The following SCN11A variants were observed in gnomAD, a reference collection of about 807,000 sequenced individuals.
SCN11A encodes the protein sodium voltage-gated channel alpha subunit 11.
A neutral mutation model predicts 162.2 loss-of-function variants in SCN11A; 122 were observed. The ratio of observed to expected loss-of-function variants is 0.75; its 90% CI spans 0.65 to 0.87. The LOEUF is 0.87. SCN11A is among the 40% of genes least tolerant of loss of function. The pLI is 0.00. For synonymous variants in SCN11A, 758 were observed against 751.5 expected (o/e 1.01, Z -0.14); for missense variants, 2,015 against 2,181.6 (o/e 0.92, Z 1.52).
In SCN11A at chr3:38,847,355, T is replaced by G; in HGVS notation, c.4715A>C (p.Glu1572Ala). 1 of 1,614,206 alleles carries G rather than the reference T, an allele frequency of 6.2e-7. No homozygotes were observed. The highest frequency in any genetic ancestry group is 8.5e-7 in the Non-Finnish European group (1 of 1,180,024). The stretch of plus-strand genomic sequence containing the variant: ...GGCTATGCCAGGGAGGTGGCAGTTT[T>G]CTGAGGAAGAGTTACATGATTCTTT... ...RSKESCNSSS[E>A]NCHLPGIATS... The change falls in exon 30 of 30, where the codon GAA (glutamate) becomes GCA (alanine). Residue 1572 changes from glutamate to alanine, a missense_variant. Physicochemically the swap from Glu to Ala is moderately radical, Grantham distance 107. Coordinates refer to ENST00000302328, the MANE Select transcript of SCN11A (RefSeq NM_001349253.2).
At chr3:38,885,758 C>T (rs2065387390) in intron 20 of SCN11A, among the ~76,000 whole-genome samples, 1 of 152,196 alleles carries the variant, frequency 6.6e-6, no homozygotes, top group East Asian at 1.9e-4. Flanking sequence ...TTTCCACTGT[C>T]TCACCTCCTG....
chr3:39,046,158 G>A (rs34885159), intron 1 of SCN11A, among the ~76,000 whole-genome samples: 36 of 152,280 alleles, frequency 2.4e-4, no homozygotes, highest in Non-Finnish European at 4.0e-4. Context: ...TACTCAGGAA[G>A]CTGGGGCATG....
At chr3:38,933,938 T>C (rs917654727) in intron 7 of SCN11A, among the ~76,000 whole-genome samples, 8 of 152,066 alleles carry the variant, frequency 5.3e-5, no homozygotes, top group Admixed American at 3.3e-4. Context: ...TTACCAAAGT[T>C]GAAATGAAGG....
At chr3:38,939,616 T>C (rs1310256403) in intron 7 of SCN11A, among the ~76,000 whole-genome samples, 1 of 152,076 alleles carries the variant, frequency 6.6e-6, no homozygotes, top group African/African-American at 2.4e-5. Context: ...ATTAAAAACA[T>C]TTCAAGGCCG....
rs1229154557 is a variant in SCN11A at position 38,919,940 on chromosome 3, A to G, written c.954T>C (p.Gly318=). 1 of 1,611,672 alleles carries G rather than the reference A, an allele frequency of 6.2e-7. No individual in the cohort carries two copies. The highest frequency in any genetic ancestry group is 8.5e-7 in the Non-Finnish European group (1 of 1,177,966). Residue 318 remains glycine, a synonymous_variant, in exon 11 of 30, where the codon GGT becomes GGC. Coordinates refer to ENST00000302328, the MANE Select transcript of SCN11A (RefSeq NM_001349253.2). ...AATGATTATAAACCTCTTACCTGTTACCCATCCAGATGCCACACATTTTGA... is the reference window on the plus strand; with the variant it reads ...AATGATTATAAACCTCTTACCTGTTGCCCATCCAGATGCCACACATTTTGA... ...PEFKMCGIWM[G]NSACSIQYEC...
chr3:38,926,181 G>A (rs1168656558), intron 8 of SCN11A, among the ~76,000 whole-genome samples: 1 of 152,130 alleles, frequency 6.6e-6, no homozygotes, highest in Non-Finnish European at 1.5e-5. Context: ...TTCCAAATCA[G>A]TGTCTTTCCT....
rs532050075 is a variant in SCN11A, at chr3:39,031,207, T to C, written c.-280+1173A>G. Among the ~76,000 whole-genome samples the C allele has an allele frequency of 1.4e-3, 210 of 152,300 alleles. 1 individual carries two copies. The highest frequency in any genetic ancestry group is 4.9e-3 in the African/African-American group (203 of 41,568). ...ATGACTTCTTACAACTTCAAAAGGA[T>C]ATTGTAAATACTGTATTTAAAACCG... On this transcript the variant is annotated intron_variant, in intron 2 of 29. Coordinates refer to ENST00000302328, the MANE Select transcript of SCN11A (RefSeq NM_001349253.2).
At chr3:38,984,751 T>C (rs1408769655) in intron 2 of SCN11A, among the ~76,000 whole-genome samples, 2 of 152,146 alleles carry the variant, frequency 1.3e-5, no homozygotes, top group Non-Finnish European at 2.9e-5. Flanking sequence ...CCTCAGGTGA[T>C]CCGCCCACCT....
intron 2 of SCN11A, among the ~76,000 whole-genome samples, chr3:38,993,593 C>T (rs1002104856): frequency 3.3e-5 from 5 of 152,190 alleles, no homozygotes; most frequent in African/African-American, 1.2e-4. Context: ...CATAAAACTA[C>T]AGGGAGGCAC....
intron 17 of SCN11A, among the ~76,000 whole-genome samples, 179 bp from the exon 18 acceptor site, chr3:38,897,404 A>G (rs1030679122): frequency 2.0e-5 from 3 of 152,232 alleles, no homozygotes; most frequent in African/African-American, 7.2e-5. Flanking sequence ...GCTCACCTGT[A>G]TCTACTTTCT....
chr3:39,041,729 G>A (rs990269689), intron 1 of SCN11A, among the ~76,000 whole-genome samples: 6 of 152,032 alleles, frequency 3.9e-5, no homozygotes, highest in Non-Finnish European at 7.4e-5. Context: ...GCAAAAGGAT[G>A]ATAACCACCA....
Position 38,950,119 on chromosome 3 carries a change from C to T in SCN11A, c.244G>A (p.Asp82Asn), listed in dbSNP as rs2066587243. 7.2e-7 allele frequency: 1 copy of T among 1,389,640 alleles called. No homozygotes were observed. The highest frequency in any genetic ancestry group is 9.6e-7 in the Non-Finnish European group (1 of 1,041,734). 86.1% of individuals were successfully genotyped at this position (1,389,640 alleles called of 1,614,324 possible). A position where few individuals can be genotyped will look rare whatever the true frequency, so the allele number is the denominator to read the frequency against. Residue 82 changes from aspartate to asparagine, a missense_variant, in exon 5 of 30, where the codon GAC (aspartate) becomes AAC (asparagine). By Grantham distance (23) the Asp-to-Asn change is conservative. Transcript: ENST00000302328. ...ELIGKPLEDL[D>N]PFYRNHKTFM... ...ACCTTATGATTTCGGTAGAATGGGT[C>T]CAAGTCTTCCAGAGGCTTTCCTATG...
chr3:39,014,256 T>C (rs1559574463), intron 2 of SCN11A, among the ~76,000 whole-genome samples: 1 of 152,220 alleles, frequency 6.6e-6, no homozygotes, highest in Non-Finnish European at 1.5e-5. Flanking sequence ...CAGTCCTCAT[T>C]GAGTAGAAAT....
intron 28 of SCN11A, among the ~76,000 whole-genome samples, chr3:38,858,596 C>T (rs12054380): frequency 0.039 from 5,957 of 152,128 alleles, 227 homozygotes; most frequent in East Asian, 0.17. Context: ...CAGCACTAGA[C>T]GGGTAATCAA....
intron 2 of SCN11A, among the ~76,000 whole-genome samples, chr3:38,992,186 G>A (rs1393874985): frequency 3.3e-5 from 5 of 152,194 alleles, no homozygotes; most frequent in African/African-American, 9.7e-5. Flanking sequence ...GTGCAGAAAC[G>A]AAGTCCAATA....
intron 2 of SCN11A, among the ~76,000 whole-genome samples, chr3:38,999,884 A>G (rs1352555112): frequency 6.6e-6 from 1 of 152,218 alleles, no homozygotes; most frequent in Non-Finnish European, 1.5e-5. Context: ...ACTCAAAAAC[A>G]GGAATTAGCA....
At chr3:39,016,791 C>G (rs1340079805) in intron 2 of SCN11A, among the ~76,000 whole-genome samples, 1 of 151,972 alleles carries the variant, frequency 6.6e-6, no homozygotes, top group African/African-American at 2.4e-5. Context: ...TTGGTAGAGA[C>G]AGGGTTTCAC....
At chr3:38,951,735 T>A (rs2066621290) in intron 4 of SCN11A, among the ~76,000 whole-genome samples, 1 of 152,232 alleles carries the variant, frequency 6.6e-6, no homozygotes, top group South Asian at 2.1e-4. Flanking sequence ...TGTATCTAGC[T>A]GCTCTGGTGG....
At chr3:39,035,781 A>G (rs1007748497) in intron 1 of SCN11A, among the ~76,000 whole-genome samples, 1 of 152,066 alleles carries the variant, frequency 6.6e-6, no homozygotes, top group East Asian at 2.0e-4. Context: ...CTGGGACTAC[A>G]GGCACCCGCC....
Sources: gnomAD v4.1 joint callset for allele counts (sites outside exome capture counted in the v4.1 genomes callset) on GRCh38, gnomAD v4.1.1 for gene constraint, MANE v1.5 for transcripts, NCBI Gene and HGNC (gene_info 2026-07-23, HGNC 2026-07-21) for gene names.